Variants in MECOM observed in about 807,000 individuals in gnomAD.
MECOM encodes histone-lysine N-methyltransferase MECOM.
Under a neutral mutation model 116.3 loss-of-function variants are expected in MECOM, and 13 were observed. The observed-to-expected ratio is 0.11, with a 90% confidence interval of 0.07 to 0.18. The LOEUF is 0.18. Ranked by LOEUF, MECOM falls within the 10% of genes least tolerant of loss-of-function variation. The pLI, the probability that MECOM is intolerant of heterozygous loss-of-function variation, is 1.00. For missense variants in MECOM, 1,299 were observed against 1,509.0 expected (o/e 0.86, Z 2.31); for synonymous variants, 528 against 535.2 (o/e 0.99, Z 0.19).
chr3:169,242,272 T>G (rs553382375), intron 2 of MECOM, among the ~76,000 whole-genome samples: 1 of 151,922 alleles, frequency 6.6e-6, no homozygotes, highest in African/African-American at 2.4e-5. Context: ...ATCCTGAGAG[T>G]CCTGTCACAG....
At chr3:169,149,933 C>CTGTGTGTG (rs1160142424) in intron 2 of MECOM, among the ~76,000 whole-genome samples, 10 of 116,202 alleles carry the variant, frequency 8.6e-5, no homozygotes, top group African/African-American at 1.9e-4. Flanking sequence ...CTTTCTCTCT[C>CTGTGTGTG]TCTGTGTGTG....
intron 1 of MECOM, among the ~76,000 whole-genome samples, chr3:169,507,649 G>GTTTTTTTTTTTTTTT (rs1491033517): frequency 1.5e-5 from 1 of 65,098 alleles, no homozygotes; most frequent in Non-Finnish European, 3.0e-5. Context: ...ATCCCCACTT[G>GTTTTTTTTTTTTTTT]CTTTTTTTTT....
At chr3:169,561,355 A>T (rs1330606391) in intron 1 of MECOM, among the ~76,000 whole-genome samples, 5 of 152,162 alleles carry the variant, frequency 3.3e-5, no homozygotes, top group Non-Finnish European at 7.4e-5. Flanking sequence ...ATAGGGAAAT[A>T]GATAAATAAA....
intron 1 of MECOM, among the ~76,000 whole-genome samples, chr3:169,622,306 G>A (rs2109903383): frequency 6.6e-6 from 1 of 152,190 alleles, no homozygotes; most frequent in East Asian, 1.9e-4. Flanking sequence ...TGGCCAAGCT[G>A]GTCTTGAACT....
intron 3 of MECOM, among the ~76,000 whole-genome samples, chr3:169,140,478 G>C (rs1737772966): frequency 6.6e-6 from 1 of 151,932 alleles, no homozygotes; most frequent in Admixed American, 6.6e-5. Context: ...TTTCAGGGGT[G>C]AATAAAGATA....
At chr3:169,100,104 T>C in intron 12 of MECOM, among the ~76,000 whole-genome samples, 1 of 140,550 alleles carries the variant, frequency 7.1e-6, no homozygotes, top group East Asian at 2.0e-4. Context: ...TTTCTTTCTT[T>C]TTTTTTTTTT....
At chr3:169,352,443 T>G (rs990117955) in intron 2 of MECOM, among the ~76,000 whole-genome samples, 1 of 151,878 alleles carries the variant, frequency 6.6e-6, no homozygotes, top group Non-Finnish European at 1.5e-5. Flanking sequence ...TCTTCTTGAC[T>G]CTGATGTGGT....
chr3:169,121,300 A>T, intron 6 of MECOM, 91 bp from the exon 7 acceptor site: 4 of 1,347,120 alleles, frequency 3.0e-6, no homozygotes, highest in Admixed American at 2.8e-5. Context: ...AATTTTTCTT[A>T]TTTGTTTTGT....
intron 2 of MECOM, among the ~76,000 whole-genome samples, chr3:169,167,324 C>T (rs888924597): frequency 1.3e-5 from 2 of 152,156 alleles, no homozygotes; most frequent in South Asian, 4.1e-4. Context: ...CACATAACTC[C>T]TCCAGTTGGA....
At chr3:169,632,588 G>A (rs961044653) in intron 1 of MECOM, among the ~76,000 whole-genome samples, 1 of 152,300 alleles carries the variant, frequency 6.6e-6, no homozygotes, top group East Asian at 1.9e-4. Context: ...CATACAAGAG[G>A]TGACAATTTA....
chr3:169,098,567 C>A (rs1230329165), intron 12 of MECOM, among the ~76,000 whole-genome samples: 1 of 152,134 alleles, frequency 6.6e-6, no homozygotes, highest in Non-Finnish European at 1.5e-5. Flanking sequence ...GTAGTATCTG[C>A]CAGGTTTGTC....
chr3:169,530,635 TAG>T (rs1462063173), intron 1 of MECOM, among the ~76,000 whole-genome samples: 3 of 151,262 alleles, frequency 2.0e-5, no homozygotes, highest in African/African-American at 4.8e-5. Flanking sequence ...GTCAGCAGGG[TAG>T]AGAGAGAGAG....
At chr3:169,653,852 A>C (rs1465951668) in intron 1 of MECOM, among the ~76,000 whole-genome samples, 1 of 152,112 alleles carries the variant, frequency 6.6e-6, no homozygotes, top group African/African-American at 2.4e-5. Flanking sequence ...CCAGCTAGTA[A>C]ATGGTGGAGC....
At position 169,548,444 on chromosome 3, in the gene MECOM, C is replaced by G. The variant is rs11706777; in HGVS notation, c.37+114892G>C. On this transcript the variant is annotated intron_variant, in intron 1 of 16. Coordinates refer to ENST00000651503, the MANE Select transcript of MECOM (RefSeq NM_004991.4). ...GTTGGCCCTATATGATTCATAGGTACGCAATTAATAGCTGCAGCAAAGATA... is the reference window on the plus strand; with the variant it reads ...GTTGGCCCTATATGATTCATAGGTAGGCAATTAATAGCTGCAGCAAAGATA... 1.6e-3 allele frequency among the ~76,000 whole-genome samples: 246 copies of G among 152,134 alleles called. 1 individual carries two copies. Among genetic ancestry groups the G allele is most frequent in the Non-Finnish European group, 3.1e-3 (210 of 68,012 alleles).
rs760716616 is a variant in MECOM at position 169,143,809 on chromosome 3, C to T, written c.399G>A (p.Val133=). Residue 133 remains valine, a synonymous_variant, in exon 3 of 17, where the codon GTG becomes GTA. Transcript: ENST00000651503. ...GTTGACTGGCATCTATGCAGAACTT[C>T]ACATTGTAAAATTCGTCTAAGATCT... ...GWEILDEFYN[V]KFCIDASQPD... The T allele has an allele frequency of 1.2e-6, 2 of 1,606,036 alleles. No individual in the cohort carries two copies. Among genetic ancestry groups the T allele is most frequent in the Non-Finnish European group, 1.7e-6 (2 of 1,176,442 alleles).
At chr3:169,482,301 C>T (rs2108857586) in intron 1 of MECOM, among the ~76,000 whole-genome samples, 2 of 148,132 alleles carry the variant, frequency 1.4e-5, no homozygotes, top group South Asian at 4.3e-4. Flanking sequence ...CTGCAGAGCT[C>T]TGTTACAGGG....
chr3:169,164,211 T>G (rs576384764), intron 2 of MECOM, among the ~76,000 whole-genome samples: 1 of 152,126 alleles, frequency 6.6e-6, no homozygotes. Context: ...AGGGTGGGTC[T>G]GTCCTGCACC....
At chr3:169,537,575 T>C (rs995281153) in intron 1 of MECOM, among the ~76,000 whole-genome samples, 10 of 152,280 alleles carry the variant, frequency 6.6e-5, no homozygotes, top group African/African-American at 1.7e-4. Flanking sequence ...AATGTTATAA[T>C]TGACAGGCTA....
intron 2 of MECOM, among the ~76,000 whole-genome samples, chr3:169,294,114 T>C (rs1253740437): frequency 6.6e-6 from 1 of 152,226 alleles, no homozygotes; most frequent in African/African-American, 2.4e-5. Flanking sequence ...TGGTTTATCA[T>C]TAACTATTTA....
Sources: gnomAD v4.1 joint callset for allele counts (sites outside exome capture counted in the v4.1 genomes callset) on GRCh38, gnomAD v4.1.1 for gene constraint, MANE v1.5 for transcripts, NCBI Gene and HGNC (gene_info 2026-07-23, HGNC 2026-07-21) for gene names.